HS3ST4: variants seen among roughly 807,000 people sequenced by gnomAD.
The protein encoded by HS3ST4 is heparan sulfate glucosamine 3-O-sulfotransferase 4.
HS3ST4 carries 17 observed loss-of-function variants against 29.2 expected under a neutral mutation model. That is an observed-to-expected ratio of 0.58 (90% CI 0.40 to 0.87). HS3ST4 has a LOEUF of 0.87. Among genes scored for constraint, HS3ST4 ranks in the 40% least tolerant of loss-of-function variants. The pLI, the probability that HS3ST4 is intolerant of heterozygous loss-of-function variation, is 0.00. For missense variants in HS3ST4, 627 were observed against 634.5 expected (o/e 0.99, Z 0.13); for synonymous variants, 314 against 285.7 (o/e 1.10, Z -1.00).
chr16:25,703,538 C>T (rs933018120), intron 1 of HS3ST4, among the ~76,000 whole-genome samples: 8 of 152,174 alleles, frequency 5.3e-5, no homozygotes, highest in Non-Finnish European at 7.4e-5. Flanking sequence ...CTCAAGCATA[C>T]GTTCTTACCT....
intron 1 of HS3ST4, among the ~76,000 whole-genome samples, chr16:25,907,400 G>A (rs566323173): frequency 6.6e-6 from 1 of 152,142 alleles, no homozygotes; most frequent in Admixed American, 6.5e-5. Context: ...TGTTGGACGT[G>A]TTACCTTTTT....
intron 1 of HS3ST4, among the ~76,000 whole-genome samples, chr16:26,066,473 A>G (rs1045581228): frequency 2.6e-5 from 4 of 152,232 alleles, no homozygotes; most frequent in African/African-American, 9.6e-5. Context: ...TAAGAAATGA[A>G]CAAAGGCGAA....
chr16:26,056,948 T>G (rs1230272341), intron 1 of HS3ST4, among the ~76,000 whole-genome samples: 11 of 152,190 alleles, frequency 7.2e-5, no homozygotes, highest in Admixed American at 6.5e-4. Context: ...ATTGTCATAT[T>G]TAATCTTCAC....
chr16:25,945,722 C>A (rs56680017), intron 1 of HS3ST4, among the ~76,000 whole-genome samples: 2,400 of 152,226 alleles, frequency 0.016, 57 homozygotes, highest in African/African-American at 0.055. Flanking sequence ...AGATCATATA[C>A]CCTGGCACTC....
At chr16:25,938,285 G>A (rs1480236012) in intron 1 of HS3ST4, among the ~76,000 whole-genome samples, 1 of 152,170 alleles carries the variant, frequency 6.6e-6, no homozygotes, top group South Asian at 2.1e-4. Context: ...GGAGAGAGTT[G>A]GAGGACCTCA....
At chr16:25,749,945 TG>T (rs1158837322) in intron 1 of HS3ST4, among the ~76,000 whole-genome samples, 1 of 152,190 alleles carries the variant, frequency 6.6e-6, no homozygotes, top group Admixed American at 6.5e-5. Context: ...GCTGGCAATG[TG>T]GTATAACAAA....
chr16:25,925,424 C>T (rs549310227), intron 1 of HS3ST4, among the ~76,000 whole-genome samples: 1 of 152,174 alleles, frequency 6.6e-6, no homozygotes, highest in South Asian at 2.1e-4. Flanking sequence ...TCCTGGGCAC[C>T]TTGATTTTTC....
chr16:25,929,388 GA>G (rs112782169), intron 1 of HS3ST4, among the ~76,000 whole-genome samples: 10 of 146,852 alleles, frequency 6.8e-5, no homozygotes, highest in South Asian at 4.3e-4. Flanking sequence ...AAAACAAGAA[GA>G]AAAAAAAAAG....
rs1195185642 is a variant in HS3ST4, at chr16:25,964,195, C to T, written c.735-171417C>T. Among the ~76,000 whole-genome samples the T allele has an allele frequency of 3.3e-5, 5 of 151,092 alleles. No individual in the cohort carries two copies. In the East Asian group the frequency reaches 9.7e-4, roughly 29 times the overall value. On this transcript the variant is annotated intron_variant, in intron 1 of 1. Coordinates refer to ENST00000331351, the MANE Select transcript of HS3ST4 (RefSeq NM_006040.3). ...CATCTCATAAAAAAAAAAAAAGGTC[C>T]CTAGAAATGGGAAAAATAGATACTG...
intron 1 of HS3ST4, among the ~76,000 whole-genome samples, chr16:25,981,252 G>A (rs1004482315): frequency 2.6e-5 from 4 of 151,970 alleles, no homozygotes; most frequent in South Asian, 2.1e-4. Flanking sequence ...ACAGGAAATC[G>A]CTTGAACCCA....
chr16:25,967,280 A>G (rs1161666085), intron 1 of HS3ST4, among the ~76,000 whole-genome samples: 1 of 152,062 alleles, frequency 6.6e-6, no homozygotes, highest in Non-Finnish European at 1.5e-5. Context: ...CAGTCTCCCC[A>G]GTAGCTGGGA....
intron 1 of HS3ST4, among the ~76,000 whole-genome samples, chr16:25,847,001 C>T (rs1967473134): frequency 2.1e-5 from 3 of 146,256 alleles, no homozygotes; most frequent in South Asian, 4.4e-4. Flanking sequence ...TTTTGCTCTC[C>T]CATCAACACG....
intron 1 of HS3ST4, among the ~76,000 whole-genome samples, chr16:25,899,452 G>A (rs543562368): frequency 6.6e-6 from 1 of 152,252 alleles, no homozygotes; most frequent in South Asian, 2.1e-4. Context: ...CTATGACCCA[G>A]TTCTGTCCAG....
chr16:25,999,884 ATATATATATATTT>A (rs1567290821), intron 1 of HS3ST4, among the ~76,000 whole-genome samples: 1 of 121,392 alleles, frequency 8.2e-6, no homozygotes, highest in African/African-American at 3.3e-5. Flanking sequence ...TATATATATT[ATATATATATATTT>A]TATATATATA....
chr16:26,013,212 A>C (rs4444346), intron 1 of HS3ST4, among the ~76,000 whole-genome samples: 107,613 of 151,842 alleles, frequency 0.71, 39,437 homozygotes, highest in African/African-American at 0.9. Context: ...CACCAAAAAA[A>C]CAAAACAAAC....
At chr16:26,126,789 T>C (rs1899349875) in intron 1 of HS3ST4, among the ~76,000 whole-genome samples, 1 of 152,140 alleles carries the variant, frequency 6.6e-6, no homozygotes, top group African/African-American at 2.4e-5. Context: ...CAGGACAGCC[T>C]CCACTACAAA....
chr16:25,823,065 G>C (rs895620974), intron 1 of HS3ST4, among the ~76,000 whole-genome samples: 1 of 152,082 alleles, frequency 6.6e-6, no homozygotes, highest in Non-Finnish European at 1.5e-5. Flanking sequence ...TAACAGCATC[G>C]TGTTTTCTTA....
chr16:26,120,307 T>G (rs1454675482), intron 1 of HS3ST4, among the ~76,000 whole-genome samples: 2 of 152,156 alleles, frequency 1.3e-5, no homozygotes, highest in African/African-American at 4.8e-5. Flanking sequence ...GCTGTGAAAG[T>G]CAGGTCTAAA....
chr16:26,078,931 A>G (rs551965368), intron 1 of HS3ST4, among the ~76,000 whole-genome samples: 122 of 152,364 alleles, frequency 8.0e-4, no homozygotes, highest in African/African-American at 2.8e-3. Flanking sequence ...GGAAAACGAC[A>G]GTGTTTGTCT....
Sources: allele counts gnomAD v4.1 joint callset (sites outside exome capture counted in the v4.1 genomes callset), GRCh38; gene constraint gnomAD v4.1.1; transcripts MANE v1.5; gene names NCBI Gene and HGNC (gene_info 2026-07-23, HGNC 2026-07-21).